The following CFAP299 variants were observed in gnomAD, a reference collection of about 807,000 sequenced individuals.
CFAP299 encodes cilia- and flagella-associated protein 299.
A neutral mutation model predicts 27.0 loss-of-function variants in CFAP299; 21 were observed. The ratio of observed to expected loss-of-function variants is 0.78; its 90% CI spans 0.55 to 1.12. The LOEUF (loss-of-function observed/expected upper bound fraction) is 1.12, where lower values mean the gene tolerates loss of function less well. CFAP299 is among the 50% of genes most tolerant of loss of function. CFAP299 has a pLI of 0.00. For synonymous variants in CFAP299, 104 were observed against 98.1 expected (o/e 1.06, Z -0.36); for missense variants, 310 against 276.6 (o/e 1.12, Z -0.86).
chr4:80,880,926 G>T (rs1245604506), intron 4 of CFAP299, among the ~76,000 whole-genome samples: 1 of 152,152 alleles, frequency 6.6e-6, no homozygotes, highest in Non-Finnish European at 1.5e-5. Context: ...TCCTGCCTTT[G>T]CAGGGTGCCC....
chr4:80,535,345 A>ATCACTCTCTAGCCATG (rs1560612280), intron 2 of CFAP299, among the ~76,000 whole-genome samples: 3 of 73,106 alleles, frequency 4.1e-5, no homozygotes, highest in African/African-American at 1.2e-4. Context: ...AAGAGCTTCA[A>ATCACTCTCTAGCCATG]TTAGCCGGGC....
intron 3 of CFAP299, among the ~76,000 whole-genome samples, chr4:80,659,769 A>G (rs1349321432): frequency 6.6e-6 from 1 of 152,054 alleles, no homozygotes; most frequent in Non-Finnish European, 1.5e-5. Context: ...ATTTTCTATA[A>G]ATTAAGAAAA....
chr4:80,879,937 T>A (rs916279565), intron 4 of CFAP299, among the ~76,000 whole-genome samples: 1 of 152,216 alleles, frequency 6.6e-6, no homozygotes, highest in Non-Finnish European at 1.5e-5. Flanking sequence ...TTTCCTATAA[T>A]CTGTCTTTAC....
At chr4:80,624,143 G>T (rs1024811102) in intron 3 of CFAP299, among the ~76,000 whole-genome samples, 15 of 152,126 alleles carry the variant, frequency 9.9e-5, no homozygotes, top group East Asian at 7.7e-4. Context: ...CAAAATAAGG[G>T]TGCCATTGAC....
At chr4:80,627,011 C>CAACA (rs70944797) in intron 3 of CFAP299, among the ~76,000 whole-genome samples, 15,480 of 151,200 alleles carry the variant, frequency 0.1, 863 homozygotes, top group South Asian at 0.21. Flanking sequence ...ACCTTGATAC[C>CAACA]AACAAACAAA....
chr4:80,775,786 C>T (rs565400434), intron 3 of CFAP299, among the ~76,000 whole-genome samples: 2 of 152,034 alleles, frequency 1.3e-5, no homozygotes, highest in Non-Finnish European at 2.9e-5. Flanking sequence ...AATTCATAAA[C>T]AAAATGGTTG....
At chr4:80,908,123 G>A (rs533303299) in intron 4 of CFAP299, among the ~76,000 whole-genome samples, 5 of 152,240 alleles carry the variant, frequency 3.3e-5, no homozygotes, top group African/African-American at 7.2e-5. Context: ...GTTCATAGGC[G>A]TCTGAATTTT....
chr4:80,688,244 GACAA>G (rs1324251329), intron 3 of CFAP299, among the ~76,000 whole-genome samples: 1 of 152,206 alleles, frequency 6.6e-6, no homozygotes, highest in East Asian at 1.9e-4. Context: ...GCAGGGCACA[GACAA>G]ACAAAAAGAC....
chr4:80,804,163 C>T (rs1016613523), intron 3 of CFAP299, among the ~76,000 whole-genome samples: 3 of 152,078 alleles, frequency 2.0e-5, no homozygotes, highest in Admixed American at 6.6e-5. Flanking sequence ...TTGGGGGACA[C>T]ATTCAGAACA....
intron 3 of CFAP299, among the ~76,000 whole-genome samples, chr4:80,618,010 C>A (rs969231799): frequency 1.3e-5 from 2 of 151,994 alleles, no homozygotes; most frequent in Non-Finnish European, 2.9e-5. Flanking sequence ...AGAAACTAAC[C>A]ATCAAAATTG....
rs189538532 is a variant in CFAP299 at position 80,579,650 on chromosome 4, T to A, written c.243-3443T>A. Among the ~76,000 whole-genome samples, 1,457 of 152,234 alleles carry A rather than the reference T, an allele frequency of 9.6e-3. 16 individuals carry two copies. Among genetic ancestry groups the A allele is most frequent in the Non-Finnish European group, 0.016 (1,063 of 68,002 alleles). Reference sequence around the variant, plus strand: ...CATTTTGTATCTGATAGATCAGGGATAATTTTGATTTTCTTTGGAACTTTC... The same window carrying A: ...CATTTTGTATCTGATAGATCAGGGAAAATTTTGATTTTCTTTGGAACTTTC... On this transcript the variant is annotated intron_variant, in intron 2 of 5. Coordinates refer to ENST00000358105, the MANE Select transcript of CFAP299 (RefSeq NM_152770.3).
At chr4:80,568,838 C>T (rs1168553004) in intron 2 of CFAP299, among the ~76,000 whole-genome samples, 6 of 152,106 alleles carry the variant, frequency 3.9e-5, no homozygotes, top group African/African-American at 1.4e-4. Context: ...GCACAGGGAA[C>T]TGTGCAATGG....
intron 4 of CFAP299, among the ~76,000 whole-genome samples, chr4:80,881,388 C>T (rs910350041): frequency 1.3e-5 from 2 of 152,192 alleles, no homozygotes; most frequent in African/African-American, 4.8e-5. Context: ...ACTGAATAAC[C>T]AGCAGAGCTC....
intron 4 of CFAP299, among the ~76,000 whole-genome samples, chr4:80,926,793 T>C (rs897478512): frequency 6.6e-6 from 1 of 152,114 alleles, no homozygotes; most frequent in African/African-American, 2.4e-5. Flanking sequence ...GATATAGGAA[T>C]TTATGGAGCA....
At chr4:80,827,583 TA>T (rs1376591766) in intron 3 of CFAP299, among the ~76,000 whole-genome samples, 5 of 151,852 alleles carry the variant, frequency 3.3e-5, no homozygotes, top group Non-Finnish European at 7.4e-5. Context: ...AAACCATATA[TA>T]AAAAACCCAC....
chr4:80,722,248 T>C (rs968422960), intron 3 of CFAP299, among the ~76,000 whole-genome samples: 1 of 151,790 alleles, frequency 6.6e-6, no homozygotes, highest in Non-Finnish European at 1.5e-5. Context: ...TGAAACCCTG[T>C]CTCTACTAAA....
chr4:80,866,501 G>C (rs973725396), intron 3 of CFAP299, among the ~76,000 whole-genome samples: 1 of 152,020 alleles, frequency 6.6e-6, no homozygotes, highest in Admixed American at 6.5e-5. Context: ...TAAATGCTCA[G>C]GTTTAAGCAG....
At chr4:80,815,097 G>C (rs1729356413) in intron 3 of CFAP299, among the ~76,000 whole-genome samples, 1 of 151,726 alleles carries the variant, frequency 6.6e-6, no homozygotes, top group African/African-American at 2.4e-5. Context: ...AAACAGAGCT[G>C]GAAGAACAAA....
intron 5 of CFAP299, among the ~76,000 whole-genome samples, chr4:80,962,348 G>A (rs1254837256): frequency 1.3e-5 from 2 of 151,834 alleles, no homozygotes; most frequent in Non-Finnish European, 2.9e-5. Context: ...AAGGAAAATT[G>A]AAATAAAAAT....
Sources: gnomAD v4.1 joint callset for allele counts (sites outside exome capture counted in the v4.1 genomes callset) on GRCh38, gnomAD v4.1.1 for gene constraint, MANE v1.5 for transcripts, NCBI Gene and HGNC (gene_info 2026-07-23, HGNC 2026-07-21) for gene names.